TSTD2: variants seen among roughly 807,000 people sequenced by gnomAD.
TSTD2 encodes the protein thiosulfate sulfurtransferase like domain containing 2.
In TSTD2, 37 loss-of-function variants were observed where a neutral mutation model predicts 47.9. That is an observed-to-expected ratio of 0.77 (90% CI 0.59 to 1.02). The LOEUF is 1.02. TSTD2 is among the 50% of genes least tolerant of loss of function. The pLI is 0.00. For missense variants in TSTD2, 586 were observed against 616.0 expected (o/e 0.95, Z 0.52); for synonymous variants, 201 against 215.9 (o/e 0.93, Z 0.61).
intron 4 of TSTD2, among the ~76,000 whole-genome samples, chr9:97,612,087 C>A (rs992400747): frequency 1.3e-5 from 2 of 152,160 alleles, no homozygotes; most frequent in African/African-American, 4.8e-5. Context: ...AATTTAGCTC[C>A]CACTTATAAG....
chr9:97,625,153 A>C (rs1826699816), intron 3 of TSTD2, among the ~76,000 whole-genome samples: 2 of 152,172 alleles, frequency 1.3e-5, no homozygotes, highest in Non-Finnish European at 2.9e-5. Context: ...ATCATCATAT[A>C]TTAGTTTTGC....
intron 3 of TSTD2, among the ~76,000 whole-genome samples, chr9:97,620,360 A>C (rs959440476): frequency 6.6e-6 from 1 of 151,944 alleles, no homozygotes; most frequent in African/African-American, 2.4e-5. Context: ...AGTCCATTAA[A>C]CCTCTTTCTT....
At position 97,603,332 on chromosome 9, in the gene TSTD2, C is replaced by T. The variant is rs147458469; in HGVS notation, c.1253-565G>A. Among the ~76,000 whole-genome samples, 268 of 152,310 alleles carry T rather than the reference C, an allele frequency of 1.8e-3. 1 individual carries two copies. The highest frequency in any genetic ancestry group is 6.2e-3 in the African/African-American group (259 of 41,560). ...GATGACCTCCTGTTACTATTGATAA[C>T]ATCATTCTTCCTCACTTTTCCTTAC... On this transcript the variant is annotated intron_variant, in intron 9 of 9. Transcript: ENST00000341170.
At chr9:97,605,197 T>C (rs953573615) in intron 8 of TSTD2, among the ~76,000 whole-genome samples, 38 of 152,352 alleles carry the variant, frequency 2.5e-4, no homozygotes, top group African/African-American at 9.1e-4. Flanking sequence ...GAATTTGCTC[T>C]TCTCAGGATC....
At chr9:97,608,497 G>C (rs1328064125) in intron 6 of TSTD2, among the ~76,000 whole-genome samples, 8 of 152,076 alleles carry the variant, frequency 5.3e-5, no homozygotes, top group African/African-American at 1.9e-4. Context: ...TTACCCGGGT[G>C]TGGTGGCGCA....
At position 97,602,422 on chromosome 9, in the gene TSTD2, C is replaced by T; in HGVS notation, c.*47G>A. 6.5e-7 allele frequency: 1 copy of T among 1,538,972 alleles called. No homozygotes were observed. The highest frequency in any genetic ancestry group is 2.0e-5 in the Admixed American group (1 of 51,024). On this transcript the variant is annotated 3_prime_UTR_variant, in exon 10 of 10. Transcript: ENST00000341170. ...GCCATGCTTTCTCTGTATAGTCACCCCAAACCTACTTTTACCGAGGGCCTG... is the reference window on the plus strand; with the variant it reads ...GCCATGCTTTCTCTGTATAGTCACCTCAAACCTACTTTTACCGAGGGCCTG...
In TSTD2 at chr9:97,605,542, G is replaced by A. The variant is rs561191933; in HGVS notation, c.1054C>T (p.Leu352=). 5 of 1,614,188 alleles carry A rather than the reference G, an allele frequency of 3.1e-6. No individual in the cohort carries two copies. The highest frequency in any genetic ancestry group is 1.3e-5 in the African/African-American group (1 of 75,054). ...CGGATGCCCCCGGTACAGTACATCA[G>A]CACTCTCTTCTCTCTGAAAAGTTCT... ...NLELFREKRV[L]MYCTGGIRCE... The change falls in exon 8 of 10, where the codon CTG becomes TTG. Residue 352 remains leucine, a synonymous_variant. Coordinates refer to ENST00000341170, the MANE Select transcript of TSTD2 (RefSeq NM_139246.5).
In TSTD2 at chr9:97,603,726, G is replaced by T. The variant is rs577413743; in HGVS notation, c.1253-959C>A. ...CCTAGAAAAACTTTTTTGAGACAGGGTCTTGCTGTGTCACCCAGGCTGGAG... is the reference window on the plus strand; with the variant it reads ...CCTAGAAAAACTTTTTTGAGACAGGTTCTTGCTGTGTCACCCAGGCTGGAG... On this transcript the variant is annotated intron_variant, in intron 9 of 9. Coordinates refer to ENST00000341170, the MANE Select transcript of TSTD2 (RefSeq NM_139246.5). 5.9e-5 allele frequency among the ~76,000 whole-genome samples: 9 copies of T among 152,226 alleles called. No individual in the cohort carries two copies. The South Asian group carries it at 1.7e-3, about 28-fold the overall frequency.
At chr9:97,605,789 G>A in intron 7 of TSTD2, 148 bp from the exon 8 acceptor site, 1 of 1,120,536 alleles carries the variant, frequency 8.9e-7, no homozygotes, top group Non-Finnish European at 1.2e-6. Flanking sequence ...TCAACTTCAA[G>A]ATCTCAACTT....
Position 97,601,940 on chromosome 9 carries a change from C to A in TSTD2, c.*529G>T, listed in dbSNP as rs983844495. 1 of 152,790 alleles carries A rather than the reference C, an allele frequency of 6.5e-6. No individual in the cohort carries two copies. Among genetic ancestry groups the A allele is most frequent in the African/African-American group, 2.4e-5 (1 of 41,450 alleles). The allele number at this position is 152,790 out of a possible 1,614,324, so 9.5% of individuals were successfully genotyped here. A position where few individuals can be genotyped will look rare whatever the true frequency, so the allele number is the denominator to read the frequency against. ...GTATACTCAGGCGTTCTGGAACTAT[C>A]CTCCATGTATACCAAAGGATGGTTA... On this transcript the variant is annotated 3_prime_UTR_variant, in exon 10 of 10. Coordinates refer to ENST00000341170, the MANE Select transcript of TSTD2 (RefSeq NM_139246.5).
chr9:97,620,983 C>A (rs1210804827), intron 3 of TSTD2, among the ~76,000 whole-genome samples: 1 of 152,176 alleles, frequency 6.6e-6, no homozygotes, highest in East Asian at 1.9e-4. Flanking sequence ...ATCCCAAAGA[C>A]AAAGGGGAAA....
At chr9:97,608,628 T>C (rs191080018) in intron 6 of TSTD2, among the ~76,000 whole-genome samples, 1 of 152,220 alleles carries the variant, frequency 6.6e-6, no homozygotes, top group Admixed American at 6.5e-5. Context: ...AGAGCAAGAC[T>C]GTCTCAAAAA....
In TSTD2 at chr9:97,625,706, A is replaced by G; in HGVS notation, c.457T>C (p.Cys153Arg). The G allele has an allele frequency of 6.2e-7, 1 of 1,613,480 alleles. No homozygotes were observed. The highest frequency in any genetic ancestry group is 1.1e-5 in the South Asian group (1 of 90,988). Residue 153 changes from cysteine to arginine, a missense_variant, in exon 3 of 10, where the codon TGC (cysteine) becomes CGC (arginine). By Grantham distance (180) the Cys-to-Arg change is radical. Coordinates refer to ENST00000341170, the MANE Select transcript of TSTD2 (RefSeq NM_139246.5). ...CTTATCAGCTCATCAGGGTTAAAGC[A>G]GCTTATATCAGGGAGCCAAGCAGAC... ...DVSAWLPDIS[C>R]FNPDELISGQ...
rs1826241720 is a variant in TSTD2 at position 97,600,864 on chromosome 9, A to T, written c.*1605T>A. 9.1e-7 allele frequency: 1 copy of T among 1,098,604 alleles called. No homozygotes were observed. Among genetic ancestry groups the T allele is most frequent in the East Asian group, 8.1e-5 (1 of 12,396 alleles). 68.1% of individuals were successfully genotyped at this position (1,098,604 alleles called of 1,614,324 possible). A position where few individuals can be genotyped will look rare whatever the true frequency, so the allele number is the denominator to read the frequency against. ...GGATCCAGCAAAAGTGTTAAGCCAC[A>T]ATGCCCTTGTGCCTTTTAATATACC... On this transcript the variant is annotated 3_prime_UTR_variant, in exon 10 of 10. Transcript: ENST00000341170.
chr9:97,611,521 A>ACAGAGG, intron 5 of TSTD2, 53 bp downstream of exon 5: 1 of 1,532,978 alleles, frequency 6.5e-7, no homozygotes, highest in Non-Finnish European at 8.9e-7. Flanking sequence ...AATAACATGC[A>ACAGAGG]CAGAGGCAGA....
intron 4 of TSTD2, 39 bp downstream of exon 4, chr9:97,617,718 T>C (rs1217447869): frequency 6.3e-7 from 1 of 1,577,344 alleles, no homozygotes; most frequent in African/African-American, 1.4e-5. Context: ...GCAGGCAAGA[T>C]GGACCCAGTG....
At chr9:97,627,196 C>G (rs1392804847) in intron 2 of TSTD2, 7 of 1,017,230 alleles carry the variant, frequency 6.9e-6, no homozygotes, top group Non-Finnish European at 8.9e-6. Context: ...TAGGATCCAC[C>G]CTCCTCAAGT....
intron 4 of TSTD2, among the ~76,000 whole-genome samples, chr9:97,612,886 C>T (rs1214870164): frequency 6.6e-6 from 1 of 152,214 alleles, no homozygotes; most frequent in Non-Finnish European, 1.5e-5. Flanking sequence ...AATGGCATAG[C>T]CTTCAGTTCA....
Position 97,616,107 on chromosome 9 carries a change from G to A in TSTD2, c.603+1650C>T, listed in dbSNP as rs1826537041. 3.9e-5 allele frequency among the ~76,000 whole-genome samples: 6 copies of A among 152,296 alleles called. No individual in the cohort carries two copies. The South Asian group carries it at 1.0e-3, about 26-fold the overall frequency. On this transcript the variant is annotated intron_variant, in intron 4 of 9. Coordinates refer to ENST00000341170, the MANE Select transcript of TSTD2 (RefSeq NM_139246.5). ...AAGTGTCATGAAAATTGAAAACTAA[G>A]CTTGAGTAAAAATCAGACTGGAGCA...
Sources: allele counts gnomAD v4.1 joint callset (sites outside exome capture counted in the v4.1 genomes callset), GRCh38; gene constraint gnomAD v4.1.1; transcripts MANE v1.5; gene names NCBI Gene and HGNC (gene_info 2026-07-23, HGNC 2026-07-21).